CHAT: variants seen among roughly 807,000 people sequenced by gnomAD.
CHAT encodes acetyl CoA:choline O-acetyltransferase.
CHAT carries 61 observed loss-of-function variants against 76.9 expected under a neutral mutation model. That is an observed-to-expected ratio of 0.79 (90% CI 0.65 to 0.98). CHAT has a LOEUF of 0.98. CHAT is among the 50% of genes least tolerant of loss of function. CHAT has a pLI of 0.00. For synonymous variants in CHAT, 407 were observed against 397.4 expected (o/e 1.02, Z -0.29); for missense variants, 946 against 986.9 (o/e 0.96, Z 0.56).
Position 49,619,743 on chromosome 10 carries a change from G to A in CHAT, c.406G>A (p.Val136Met), listed in dbSNP as rs201479289. The change falls in exon 3 of 15, where the codon GTG becomes ATG. Residue 136 changes from valine (V) to methionine (M), a missense_variant. Transcript: ENST00000337653. Reference protein sequence around the residue: ...SEESGLPKLPVPPLQQTLATY... With the variant: ...SEESGLPKLPMPPLQQTLATY... Reference sequence around the variant, plus strand: ...CTTCCAGGGGCTGCCCAAACTGCCCGTGCCCCCGCTGCAGCAGACCCTGGC... The same window carrying A: ...CTTCCAGGGGCTGCCCAAACTGCCCATGCCCCCGCTGCAGCAGACCCTGGC... The A allele has an allele frequency of 8.0e-5, 129 of 1,612,480 alleles. No homozygotes were observed. Among genetic ancestry groups the A allele is most frequent in the Non-Finnish European group, 9.2e-5 (108 of 1,179,984 alleles).
upstream of CHAT, chr10:49,610,981 A>T: frequency 6.2e-7 from 1 of 1,610,266 alleles, no homozygotes. Context: ...GTGGGAGCCC[A>T]CCCTGCCGCT....
chr10:49,662,854 C>T, intron 14 of CHAT, 72 bp downstream of exon 14: 2 of 1,583,828 alleles, frequency 1.3e-6, no homozygotes. Context: ...TGACAACAAG[C>T]CCACTAGCTG....
intron 10 of CHAT, among the ~76,000 whole-genome samples, chr10:49,650,000 A>C (rs11101197): frequency 0.38 from 57,471 of 150,916 alleles, 11,751 homozygotes; most frequent in Middle Eastern, 0.48. Context: ...AAGCTATTTA[A>C]ATTTGCTTGA....
intron 7 of CHAT, among the ~76,000 whole-genome samples, chr10:49,645,055 T>A (rs887271734): frequency 6.6e-6 from 1 of 152,104 alleles, no homozygotes; most frequent in African/African-American, 2.4e-5. Flanking sequence ...TGTGGTGTAG[T>A]TTTTTGAGAT....
chr10:49,611,368 C>T (rs747116835), upstream of CHAT: 1 of 1,599,896 alleles, frequency 6.3e-7, no homozygotes, highest in African/African-American at 1.3e-5. Context: ...GGAGCCGGAG[C>T]GCAGTCGTGC....
At chr10:49,619,354 T>C (rs1015758626) in intron 2 of CHAT, among the ~76,000 whole-genome samples, 1 of 152,202 alleles carries the variant, frequency 6.6e-6, no homozygotes, top group Non-Finnish European at 1.5e-5. Flanking sequence ...TTTGATCCTA[T>C]GAGAGATAGG....
intron 6 of CHAT, 59 bp from the exon 7 acceptor site, chr10:49,627,549 G>A: frequency 6.4e-7 from 1 of 1,561,596 alleles, no homozygotes; most frequent in Admixed American, 1.7e-5. Flanking sequence ...AAGGCTGAGT[G>A]AAGGCCTGGT....
chr10:49,661,159 T>C (rs1380959213), intron 13 of CHAT: 1 of 152,190 alleles, frequency 6.6e-6, no homozygotes, highest in Non-Finnish European at 1.5e-5. Flanking sequence ...ATTCCCTAAA[T>C]GAATGAATGA....
chr10:49,634,704 T>A (rs1238366705), intron 7 of CHAT, among the ~76,000 whole-genome samples: 1 of 152,114 alleles, frequency 6.6e-6, no homozygotes, highest in Non-Finnish European at 1.5e-5. Context: ...GGAGGTGGTT[T>A]TTTTTGTTTT....
upstream of CHAT, among the ~76,000 whole-genome samples, chr10:49,613,459 A>T (rs1245906880): frequency 2.0e-5 from 3 of 152,188 alleles, no homozygotes; most frequent in Admixed American, 2.0e-4. Context: ...GCAACACTCC[A>T]TGTCCCGAAG....
At chr10:49,612,414 C>A, upstream of CHAT, 1 of 1,444,176 alleles carries the variant, frequency 6.9e-7, no homozygotes, top group Non-Finnish European at 9.4e-7. Context: ...CTGGCCAGCT[C>A]TGGCTCAGGG....
chr10:49,650,857 G>A lies in CHAT; in HGVS notation c.1512-1027G>A, dbSNP rs1839854328. Reference sequence around the variant, plus strand: ...GGGGCCTCAGGTGTTCTATAAAGTGGTGCTCACATCTCAGCTTTGCAGGGT... The same window carrying A: ...GGGGCCTCAGGTGTTCTATAAAGTGATGCTCACATCTCAGCTTTGCAGGGT... On this transcript the variant is annotated intron_variant, in intron 10 of 14. Transcript: ENST00000337653. 3.3e-5 allele frequency among the ~76,000 whole-genome samples: 5 copies of A among 152,122 alleles called. No individual in the cohort carries two copies. The South Asian group carries it at 1.0e-3, about 32-fold the overall frequency.
chr10:49,651,963 C>G lies in CHAT; in HGVS notation c.1591C>G (p.Pro531Ala). The G allele has an allele frequency of 6.2e-7, 1 of 1,614,184 alleles. No individual in the cohort carries two copies. The highest frequency in any genetic ancestry group is 1.1e-5 in the South Asian group (1 of 91,082). Residue 531 changes from proline (P) to alanine (A), a missense_variant, in exon 11 of 15, where the codon CCT (proline) becomes GCT (alanine). Pro to Ala is a conservative substitution (Grantham distance 27). Coordinates refer to ENST00000337653, the MANE Select transcript of CHAT (RefSeq NM_020549.5). ...KTFIKKQKCS[P>A]DAFIQVALQL... ...ATTCATTAAGAAGCAGAAATGCAGC[C>G]CTGATGCCTTCATCCAGGTGGCCCT... is the stretch of plus-strand genomic sequence containing the variant.
Position 49,650,076 on chromosome 10 carries a change from G to T in CHAT, c.1511+440G>T, listed in dbSNP as rs573917500. 6.7e-3 allele frequency among the ~76,000 whole-genome samples: 1,018 copies of T among 152,184 alleles called. 12 individuals carry two copies. The highest frequency in any genetic ancestry group is 0.023 in the African/African-American group (972 of 41,540). ...GGGAGGGGGCCGTTCAGGCCCTAACGGGACCCAGGCAGGAGGGCCTGGGGC... is the reference window on the plus strand; with the variant it reads ...GGGAGGGGGCCGTTCAGGCCCTAACTGGACCCAGGCAGGAGGGCCTGGGGC... On this transcript the variant is annotated intron_variant, in intron 10 of 14. Coordinates refer to ENST00000337653, the MANE Select transcript of CHAT (RefSeq NM_020549.5).
chr10:49,613,576 T>C (rs990444800), upstream of CHAT, among the ~76,000 whole-genome samples: 1 of 152,198 alleles, frequency 6.6e-6, no homozygotes, highest in African/African-American at 2.4e-5. Flanking sequence ...GCTCTGCTGT[T>C]GTGCGCATGT....
chr10:49,645,644 C>G (rs1325626039), intron 7 of CHAT, among the ~76,000 whole-genome samples: 1 of 152,168 alleles, frequency 6.6e-6, no homozygotes, highest in East Asian at 1.9e-4. Flanking sequence ...TTCTGGTGCT[C>G]TCTGGGAGGA....
chr10:49,611,449 G>T (rs1338040113), upstream of CHAT: 2 of 1,598,432 alleles, frequency 1.3e-6, no homozygotes, highest in East Asian at 2.2e-5. Flanking sequence ...CATCCTCTAT[G>T]AGTTCGCCGG....
At chr10:49,612,566 T>C, upstream of CHAT, 1 of 540,252 alleles carries the variant, frequency 1.9e-6, no homozygotes, top group South Asian at 3.5e-5. Context: ...ATCGCGCTCC[T>C]TGCGGAGGTG....
intron 7 of CHAT, among the ~76,000 whole-genome samples, chr10:49,634,676 T>G (rs1238695493): frequency 2.0e-5 from 3 of 152,200 alleles, no homozygotes; most frequent in African/African-American, 7.2e-5. Flanking sequence ...CAGTAATGTT[T>G]GGGGTACAAG....
Sources: gnomAD v4.1 joint callset for allele counts (sites outside exome capture counted in the v4.1 genomes callset) on GRCh38, gnomAD v4.1.1 for gene constraint, MANE v1.5 for transcripts, NCBI Gene and HGNC (gene_info 2026-07-23, HGNC 2026-07-21) for gene names.